Variants in CAMTA1 observed in about 807,000 individuals in gnomAD.
CAMTA1 encodes the protein calmodulin-binding transcription activator 1.
Under a neutral mutation model 170.9 loss-of-function variants are expected in CAMTA1, and 27 were observed. That is an observed-to-expected ratio of 0.16 (90% CI 0.12 to 0.22). The LOEUF is 0.22. Ranked by LOEUF, CAMTA1 falls within the 10% of genes least tolerant of loss-of-function variation. The probability of loss-of-function intolerance (pLI) is 1.00; values close to 1 mark genes in which losing one functional copy is unlikely to be tolerated. For synonymous variants in CAMTA1, 833 were observed against 891.5 expected (o/e 0.93, Z 1.17); for missense variants, 1,619 against 2,217.2 (o/e 0.73, Z 5.42).
Position 7,113,464 on chromosome 1 carries a change from C to T in CAMTA1, c.302+22093C>T, listed in dbSNP as rs1644182571. 6.6e-6 allele frequency among the ~76,000 whole-genome samples: 1 copy of T among 152,086 alleles called. No homozygotes were observed. The highest frequency in any genetic ancestry group is 2.1e-4 in the South Asian group (1 of 4,808). On this transcript the variant is annotated intron_variant, in intron 4 of 22. Transcript: ENST00000303635. This position sits in a 1 kb window ranked among gnomAD's most constrained non-coding sequence, Gnocchi z 4.5. The stretch of plus-strand genomic sequence containing the variant: ...TGGTCTGGAGAGAAGGATCTAGGGG[C>T]CAGAGTGGCTCCCGGTCAGTGTCTA...
In CAMTA1 at chr1:6,848,448, CT is replaced by C. The variant is rs372407243; in HGVS notation, c.234+23242del. On this transcript the variant is annotated intron_variant, in intron 3 of 22. Coordinates refer to ENST00000303635, the MANE Select transcript of CAMTA1 (RefSeq NM_015215.4). The stretch of plus-strand genomic sequence containing the variant: ...ACAGGCATAAGCTACTGCATCTGGC[CT>C]TTTAGCACAGTTTAATCAGAAGAGG... Among the ~76,000 whole-genome samples the C allele has an allele frequency of 3.3e-4, 50 of 152,320 alleles. No homozygotes were observed. In the East Asian group the frequency reaches 6.9e-3, roughly 21 times the overall value.
intron 6 of CAMTA1, among the ~76,000 whole-genome samples, chr1:7,574,782 A>G (rs1261093376): frequency 6.6e-6 from 1 of 152,118 alleles, no homozygotes; most frequent in African/African-American, 2.4e-5. Context: ...GCTGGCTGAG[A>G]TGGAAGAAAA....
At chr1:6,842,182 A>G (rs1176786503) in intron 3 of CAMTA1, among the ~76,000 whole-genome samples, 2 of 152,210 alleles carry the variant, frequency 1.3e-5, no homozygotes, top group East Asian at 1.9e-4. Flanking sequence ...ACTCCACAAC[A>G]TGCTCACAGA....
intron 3 of CAMTA1, among the ~76,000 whole-genome samples, chr1:7,081,253 C>T (rs1639976019): frequency 1.3e-5 from 2 of 152,204 alleles, no homozygotes; most frequent in African/African-American, 2.4e-5. Flanking sequence ...AAGAGGTCTG[C>T]AAGGGATGTG....
chr1:7,140,819 A>G (rs1049691211), intron 4 of CAMTA1, among the ~76,000 whole-genome samples: 62 of 152,168 alleles, frequency 4.1e-4, no homozygotes, highest in African/African-American at 1.4e-3. Flanking sequence ...ATGTCGCTTG[A>G]AAATGGTTTT....
intron 16 of CAMTA1, 29 bp from the exon 17 acceptor site, chr1:7,744,806 C>CT: frequency 6.3e-7 from 1 of 1,598,550 alleles, no homozygotes; most frequent in Non-Finnish European, 8.5e-7. Context: ...CCTTTCTAAC[C>CT]TGAGTGTTCT....
chr1:7,084,799 G>C (rs973257513), intron 3 of CAMTA1, among the ~76,000 whole-genome samples: 1 of 152,238 alleles, frequency 6.6e-6, no homozygotes, highest in African/African-American at 2.4e-5. Context: ...AGCCCAGCTA[G>C]AGGGGCTGGC....
In CAMTA1 at chr1:7,485,486, G is replaced by A. The variant is rs375744962; in HGVS notation, c.510+17585G>A. On this transcript the variant is annotated intron_variant, in intron 6 of 22. Transcript: ENST00000303635. ...TGCCAAAGCCATAATTCTGAACTTGGAGTAGTATGGGCAGTGCCGGGCTGA... is the reference window on the plus strand; with the variant it reads ...TGCCAAAGCCATAATTCTGAACTTGAAGTAGTATGGGCAGTGCCGGGCTGA... Among the ~76,000 whole-genome samples, 108 of 152,352 alleles carry A rather than the reference G, an allele frequency of 7.1e-4. 1 individual carries two copies. In the East Asian group the frequency reaches 0.016, roughly 22 times the overall value.
At chr1:7,284,687 A>T (rs17030695) in intron 5 of CAMTA1, among the ~76,000 whole-genome samples, 61,942 of 151,928 alleles carry the variant, frequency 0.41, 12,985 homozygotes, top group Admixed American at 0.53. Context: ...CCTGTGCTTA[A>T]CTGGATCTGC....
chr1:6,916,013 C>T (rs955897110), intron 3 of CAMTA1, among the ~76,000 whole-genome samples: 1 of 152,128 alleles, frequency 6.6e-6, no homozygotes, highest in Admixed American at 6.5e-5. Context: ...GGTGGTGGAG[C>T]CCTGAGTCTC....
intron 5 of CAMTA1, among the ~76,000 whole-genome samples, chr1:7,335,836 G>T (rs988563345): frequency 1.3e-5 from 2 of 151,694 alleles, no homozygotes; most frequent in Admixed American, 1.3e-4. Flanking sequence ...CACAGAACAC[G>T]GGTTTGTGTA....
chr1:7,453,310 C>A (rs2092874425), intron 5 of CAMTA1, among the ~76,000 whole-genome samples: 2 of 152,208 alleles, frequency 1.3e-5, no homozygotes, highest in South Asian at 4.1e-4. Flanking sequence ...GCAGGTCCCC[C>A]TCTCCCTGCA....
At chr1:7,405,975 C>T (rs760567979) in intron 5 of CAMTA1, among the ~76,000 whole-genome samples, 5 of 152,200 alleles carry the variant, frequency 3.3e-5, no homozygotes, top group South Asian at 2.1e-4. Context: ...TGAGCCCTAC[C>T]GTCTGCACCC....
chr1:7,134,904 G>T (rs902010930), intron 4 of CAMTA1, among the ~76,000 whole-genome samples: 2 of 152,084 alleles, frequency 1.3e-5, no homozygotes, highest in Admixed American at 1.3e-4. Flanking sequence ...AACTTCAACA[G>T]ATCAACAAGC....
chr1:7,284,165 CTTCTTCTTCTTCTTA>C lies in CAMTA1; in HGVS notation c.438+34542_438+34556del, dbSNP rs1274770034. Among the ~76,000 whole-genome samples the C allele has an allele frequency of 2.0e-3, 235 of 117,926 alleles. 1 individual carries two copies. The highest frequency in any genetic ancestry group is 7.0e-3 in the South Asian group (24 of 3,406). The allele number at this position is 117,926 out of a possible 152,430, so 77.4% of individuals were successfully genotyped here. On this transcript the variant is annotated intron_variant, in intron 5 of 22. Coordinates refer to ENST00000303635, the MANE Select transcript of CAMTA1 (RefSeq NM_015215.4). Reference sequence around the variant, plus strand: ...TCTTCTTCTTCTTCTTCTTCTTCTTCTTCTTCTTCTTCTTATTATTATTATTATTATTATTATTAT... The same window carrying C: ...TCTTCTTCTTCTTCTTCTTCTTCTTCTTATTATTATTATTATTATTATTAT...
At chr1:7,199,400 G>A (rs976387374) in intron 4 of CAMTA1, among the ~76,000 whole-genome samples, 2 of 152,238 alleles carry the variant, frequency 1.3e-5, no homozygotes, top group Non-Finnish European at 2.9e-5. Flanking sequence ...CAGGGAGGAC[G>A]CCTGCTGCTC....
At chr1:7,473,132 C>T (rs1241195700) in intron 6 of CAMTA1, among the ~76,000 whole-genome samples, 1 of 152,140 alleles carries the variant, frequency 6.6e-6, no homozygotes. Context: ...TGCTTGTCCA[C>T]CCTGGGGCTG....
chr1:7,655,145 C>A (rs2095881501), intron 7 of CAMTA1, among the ~76,000 whole-genome samples: 2 of 145,758 alleles, frequency 1.4e-5, no homozygotes, highest in Non-Finnish European at 1.5e-5. Flanking sequence ...CACAAACCCA[C>A]CTATACACAC....
chr1:6,799,303 A>G (rs1249123881), intron 1 of CAMTA1, among the ~76,000 whole-genome samples: 3 of 152,074 alleles, frequency 2.0e-5, no homozygotes, highest in African/African-American at 7.2e-5. Flanking sequence ...TCCTGGCCTC[A>G]AGCAGTCATC....
Sources: allele counts gnomAD v4.1 joint callset (sites outside exome capture counted in the v4.1 genomes callset), GRCh38; gene constraint gnomAD v4.1.1; non-coding constraint Gnocchi (gnomAD v3.1); transcripts MANE v1.5; gene names NCBI Gene and HGNC (gene_info 2026-07-23, HGNC 2026-07-21).